Variants in RARB observed in about 807,000 individuals in gnomAD.
The protein encoded by RARB is retinoic acid receptor beta, also known as HBV-activated protein.
In RARB, 17 loss-of-function variants were observed where a neutral mutation model predicts 51.9. That is an observed-to-expected ratio of 0.33 (90% CI 0.22 to 0.49). The LOEUF is 0.49. Among genes scored for constraint, RARB ranks in the 20% least tolerant of loss-of-function variants. The pLI is 0.99. For missense variants in RARB, 369 were observed against 550.8 expected, an observed-to-expected ratio of 0.67 and a Z score of 3.30; for synonymous variants, 215 against 195.4, an observed-to-expected ratio of 1.10 and a Z score of -0.84.
At chr3:25,511,172 G>C (rs1026194236) in intron 3 of RARB, among the ~76,000 whole-genome samples, 8 of 151,032 alleles carry the variant, frequency 5.3e-5, no homozygotes, top group African/African-American at 2.0e-4. Flanking sequence ...TTGCTCTGTT[G>C]CCCAGGCTGG....
intron 5 of RARB, among the ~76,000 whole-genome samples, chr3:25,308,309 A>G (rs548308704): frequency 3.9e-5 from 6 of 152,314 alleles, no homozygotes; most frequent in South Asian, 2.1e-4. Context: ...GTACAAATCT[A>G]TCTCCTTGTA....
chr3:25,366,960 G>C (rs9853460), intron 5 of RARB, among the ~76,000 whole-genome samples: 1 of 151,824 alleles, frequency 6.6e-6, no homozygotes, highest in Non-Finnish European at 1.5e-5. Context: ...GCAACAGGCA[G>C]AATGTCGTAA....
intron 2 of RARB, among the ~76,000 whole-genome samples, chr3:25,050,262 G>A (rs868646455): frequency 6.6e-6 from 1 of 151,756 alleles, no homozygotes; most frequent in Non-Finnish European, 1.5e-5. Flanking sequence ...AGAGTCTAGA[G>A]GGCACATTTA....
chr3:24,931,789 A>C (rs1695445770), intron 2 of RARB, among the ~76,000 whole-genome samples: 1 of 151,958 alleles, frequency 6.6e-6, no homozygotes, highest in Non-Finnish European at 1.5e-5. Flanking sequence ...ACAGCAATAC[A>C]GGGCAAACTT....
chr3:25,010,479 C>T (rs1174451473), intron 2 of RARB, among the ~76,000 whole-genome samples: 1 of 152,076 alleles, frequency 6.6e-6, no homozygotes, highest in African/African-American at 2.4e-5. Context: ...AGTTATATAA[C>T]ATAATATTTA....
intron 3 of RARB, among the ~76,000 whole-genome samples, chr3:25,102,941 C>G (rs1402569006): frequency 6.6e-6 from 1 of 152,128 alleles, no homozygotes; most frequent in Non-Finnish European, 1.5e-5. Flanking sequence ...ATCCCAGCTA[C>G]TTGGGTAGAT....
At chr3:25,266,957 C>G (rs1228031102) in intron 5 of RARB, among the ~76,000 whole-genome samples, 2 of 152,166 alleles carry the variant, frequency 1.3e-5, no homozygotes, top group Non-Finnish European at 2.9e-5. Context: ...TGTGGCAGCC[C>G]AAGCAGACTA....
chr3:25,447,726 C>T (rs1294656755), intron 1 of RARB, among the ~76,000 whole-genome samples: 1 of 152,116 alleles, frequency 6.6e-6, no homozygotes, highest in Non-Finnish European at 1.5e-5. Flanking sequence ...GGAATGAGAG[C>T]ACTTCTGATT....
At position 25,108,621 on chromosome 3, in the gene RARB, AG is replaced by A. The variant is rs1243810197; in HGVS notation, c.-327-23537del. On this transcript the variant is annotated intron_variant, in intron 3 of 11. Transcript: ENST00000383772. Reference sequence around the variant, plus strand: ...CTGGGAAATGTCTAATTCAGTGTCCAGGGAAAAAAGAATGGATTTGATGGAT... The same window carrying A: ...CTGGGAAATGTCTAATTCAGTGTCCAGGAAAAAAGAATGGATTTGATGGAT... Among the ~76,000 whole-genome samples the A allele has an allele frequency of 2.0e-5, 3 of 152,324 alleles. 1 individual carries two copies. Among genetic ancestry groups the A allele is most frequent in the Middle Eastern group, 6.8e-3 (2 of 294 alleles).
At chr3:25,130,868 C>T (rs1180042775) in intron 3 of RARB, among the ~76,000 whole-genome samples, 1 of 138,160 alleles carries the variant, frequency 7.2e-6, no homozygotes, top group Non-Finnish European at 1.5e-5. Context: ...GTCAATGTGT[C>T]ATATTATCAA....
At chr3:25,365,946 G>A (rs933980446) in intron 5 of RARB, among the ~76,000 whole-genome samples, 2 of 152,218 alleles carry the variant, frequency 1.3e-5, no homozygotes, top group Admixed American at 1.3e-4. Flanking sequence ...AGGAAACAGG[G>A]ATCTCACAGC....
At chr3:25,015,309 T>C (rs978855524) in intron 2 of RARB, among the ~76,000 whole-genome samples, 7 of 152,220 alleles carry the variant, frequency 4.6e-5, no homozygotes, top group Non-Finnish European at 8.8e-5. Flanking sequence ...ATTCATTGTT[T>C]ATTTCATTCT....
At chr3:25,206,493 T>C (rs888733126) in intron 5 of RARB, among the ~76,000 whole-genome samples, 1 of 152,182 alleles carries the variant, frequency 6.6e-6, no homozygotes, top group Non-Finnish European at 1.5e-5. Context: ...TAGTTCCAAC[T>C]CAGATCTACT....
chr3:25,569,801 G>A lies in RARB; in HGVS notation c.492G>A (p.Lys164=). 7 of 1,614,212 alleles carry A rather than the reference G, an allele frequency of 4.3e-6. No homozygotes were observed. Among genetic ancestry groups the A allele is most frequent in the Non-Finnish European group, 5.9e-6 (7 of 1,180,038 alleles). The change falls in exon 4 of 8, where the codon AAG becomes AAA. Residue 164 remains lysine, a synonymous_variant. Transcript: ENST00000330688. ...DRNKKKKETS[K]QECTESYEMT... ...ACAAGAAAAAGAAGGAGACTTCGAA[G>A]CAAGAATGCACAGAGAGCTATGAAA...
intron 2 of RARB, among the ~76,000 whole-genome samples, chr3:24,864,842 G>C (rs1460523037): frequency 6.6e-6 from 1 of 152,190 alleles, no homozygotes; most frequent in Non-Finnish European, 1.5e-5. Context: ...TTTGGAAGGT[G>C]TGTGAAAACA....
intron 5 of RARB, among the ~76,000 whole-genome samples, chr3:25,288,934 T>A (rs186547253): frequency 3.9e-5 from 6 of 152,274 alleles, no homozygotes; most frequent in African/African-American, 9.6e-5. Flanking sequence ...CTCTACTATT[T>A]CCCAGCCCTC....
intron 5 of RARB, among the ~76,000 whole-genome samples, chr3:25,191,458 A>C (rs1701101282): frequency 6.6e-6 from 1 of 152,068 alleles, no homozygotes; most frequent in African/African-American, 2.4e-5. Context: ...ATTATCTCCT[A>C]CCTCACTTAG....
chr3:24,859,802 C>T (rs1702712535), intron 2 of RARB, among the ~76,000 whole-genome samples: 1 of 152,136 alleles, frequency 6.6e-6, no homozygotes, highest in African/African-American at 2.4e-5. Context: ...CTCAATTCTG[C>T]CATTGTAGCA....
At chr3:25,385,288 G>C (rs991724579) in intron 5 of RARB, among the ~76,000 whole-genome samples, 1 of 152,002 alleles carries the variant, frequency 6.6e-6, no homozygotes, top group Non-Finnish European at 1.5e-5. Context: ...TTGTGTCCCT[G>C]GTATGTCTTT....
Sources: allele counts gnomAD v4.1 joint callset (sites outside exome capture counted in the v4.1 genomes callset), GRCh38; gene constraint gnomAD v4.1.1; transcripts MANE v1.5; gene names NCBI Gene and HGNC (gene_info 2026-07-23, HGNC 2026-07-21).